TBC1D22A: variants seen among roughly 807,000 people sequenced by gnomAD.
TBC1D22A encodes TBC1 domain family member 22A, also known as putative GTPase activator.
A neutral mutation model predicts 60.2 loss-of-function variants in TBC1D22A; 38 were observed. The ratio of observed to expected loss-of-function variants is 0.63; its 90% CI spans 0.49 to 0.83. The LOEUF (loss-of-function observed/expected upper bound fraction) is 0.83, where lower values mean the gene tolerates loss of function less well. Ranked by LOEUF, TBC1D22A falls within the 40% of genes least tolerant of loss-of-function variation. TBC1D22A has a pLI of 0.00. For missense variants in TBC1D22A, 628 were observed against 701.0 expected (o/e 0.90, Z 1.18); for synonymous variants, 302 against 281.7 (o/e 1.07, Z -0.72).
chr22:46,941,704 T>TACGGAATATATATAC (rs1569249167), intron 8 of TBC1D22A, among the ~76,000 whole-genome samples: 1 of 68,768 alleles, frequency 1.5e-5, no homozygotes, highest in African/African-American at 7.2e-5. Flanking sequence ...GGATTATATA[T>TACGGAATATATATAC]GCGGAATATA....
chr22:46,815,430 A>G (rs778926263), intron 4 of TBC1D22A, among the ~76,000 whole-genome samples: 1 of 151,898 alleles, frequency 6.6e-6, no homozygotes, highest in African/African-American at 2.4e-5. Flanking sequence ...CTTTATTTGG[A>G]CCTTTGGATG....
intron 8 of TBC1D22A, among the ~76,000 whole-genome samples, chr22:46,959,914 C>T (rs1040179646): frequency 6.6e-6 from 1 of 152,200 alleles, no homozygotes; most frequent in South Asian, 2.1e-4. Context: ...GCCTTTTTAG[C>T]ACTGCCTTCA....
chr22:46,931,360 T>C (rs1428086985), intron 8 of TBC1D22A, among the ~76,000 whole-genome samples: 1 of 152,224 alleles, frequency 6.6e-6, no homozygotes, highest in African/African-American at 2.4e-5. Context: ...ATTTTCTTTT[T>C]TAAAAAATGA....
At chr22:46,919,043 G>A (rs996561571) in intron 8 of TBC1D22A, among the ~76,000 whole-genome samples, 2 of 152,152 alleles carry the variant, frequency 1.3e-5, no homozygotes, top group Non-Finnish European at 2.9e-5. Context: ...AGAGTGTAAA[G>A]TTGAAAGATT....
chr22:46,805,892 G>A (rs1028782302), intron 4 of TBC1D22A, among the ~76,000 whole-genome samples: 9 of 145,500 alleles, frequency 6.2e-5, no homozygotes, highest in Non-Finnish European at 1.0e-4. Context: ...TTGCTCTTTC[G>A]CCCAGACTGG....
chr22:46,820,521 A>C (rs991150691), intron 4 of TBC1D22A, among the ~76,000 whole-genome samples: 1 of 152,214 alleles, frequency 6.6e-6, no homozygotes, highest in Non-Finnish European at 1.5e-5. Context: ...CAAGTTATTC[A>C]ATTTCCATGA....
chr22:46,875,801 G>GC (rs562898134), intron 4 of TBC1D22A, among the ~76,000 whole-genome samples: 4 of 152,158 alleles, frequency 2.6e-5, no homozygotes, highest in African/African-American at 9.6e-5. Context: ...AAAATATCAC[G>GC]CCCCCCAACA....
chr22:46,858,906 CA>C (rs1301049544), intron 4 of TBC1D22A, among the ~76,000 whole-genome samples: 1 of 151,724 alleles, frequency 6.6e-6, no homozygotes, highest in Non-Finnish European at 1.5e-5. Context: ...CAAATTCAAA[CA>C]AAACAAAAAT....
intron 4 of TBC1D22A, among the ~76,000 whole-genome samples, chr22:46,814,683 G>C (rs947009200): frequency 6.6e-6 from 1 of 151,276 alleles, no homozygotes; most frequent in East Asian, 1.9e-4. Flanking sequence ...GTCTCACTCT[G>C]TTGCCCAGGC....
At chr22:46,951,553 G>A (rs998866737) in intron 8 of TBC1D22A, among the ~76,000 whole-genome samples, 1 of 152,228 alleles carries the variant, frequency 6.6e-6, no homozygotes, top group African/African-American at 2.4e-5. Flanking sequence ...TTTCACGCCA[G>A]TTAGGGGCTG....
intron 12 of TBC1D22A, among the ~76,000 whole-genome samples, chr22:47,164,489 CGGCCTGTGCCTTGGCAT>C (rs1454781589): frequency 7.9e-5 from 12 of 152,334 alleles, no homozygotes; most frequent in Non-Finnish European, 2.9e-5. Context: ...GGGCATGGGA[CGGCCTGTGCCTTGGCAT>C]GGCCTGTGTG....
At chr22:47,031,136 C>T (rs779408871) in intron 10 of TBC1D22A, among the ~76,000 whole-genome samples, 7 of 152,172 alleles carry the variant, frequency 4.6e-5, no homozygotes, top group Non-Finnish European at 7.4e-5. Context: ...ACCATGGTCT[C>T]GTGCTGTGCC....
intron 1 of TBC1D22A, among the ~76,000 whole-genome samples, chr22:46,776,728 C>G (rs1408105661): frequency 6.6e-6 from 1 of 151,854 alleles, no homozygotes; most frequent in East Asian, 1.9e-4. Flanking sequence ...GAAGTGCTTG[C>G]AATTCAGTTA....
intron 8 of TBC1D22A, among the ~76,000 whole-genome samples, chr22:46,945,557 G>A (rs796257157): frequency 2.6e-5 from 4 of 152,270 alleles, no homozygotes; most frequent in African/African-American, 9.6e-5. Context: ...TGTGCTGACG[G>A]CATTTCTCGT....
rs1211324649 is a variant in TBC1D22A, at chr22:47,173,658, C to G, written c.*32C>G. 1 of 1,608,976 alleles carries G rather than the reference C, an allele frequency of 6.2e-7. No homozygotes were observed. Among genetic ancestry groups the G allele is most frequent in the Admixed American group, 1.7e-5 (1 of 59,924 alleles). On this transcript the variant is annotated 3_prime_UTR_variant, in exon 13 of 13. Transcript: ENST00000337137. ...GCCCACCCGCAGCTGGCCTCACTGT[C>G]CCGGGTGGCGCGCCCCACCTGCCTG...
chr22:46,855,687 C>T (rs1006237331), intron 4 of TBC1D22A, among the ~76,000 whole-genome samples: 1 of 152,112 alleles, frequency 6.6e-6, no homozygotes. Context: ...GATCCAGGCT[C>T]CCGCAAGATA....
At chr22:46,826,879 C>G (rs1302888495) in intron 4 of TBC1D22A, among the ~76,000 whole-genome samples, 1 of 151,956 alleles carries the variant, frequency 6.6e-6, no homozygotes, top group Non-Finnish European at 1.5e-5. Flanking sequence ...CGGTTCCTGG[C>G]TTGCAGTCAG....
intron 8 of TBC1D22A, among the ~76,000 whole-genome samples, chr22:46,936,341 T>C (rs1165510208): frequency 6.6e-6 from 1 of 152,012 alleles, no homozygotes; most frequent in Non-Finnish European, 1.5e-5. Flanking sequence ...GCCCTCGTCC[T>C]GGGGCCAGGC....
chr22:46,762,652 AAG>A lies in TBC1D22A; in HGVS notation c.-132_-131del. ...AGGCACAACTTCCGGAAGGAGGCGG[AAG>A]AGCTTCTCGGCTCTAGGCTCTGGAG... On this transcript the variant is annotated 5_prime_UTR_variant, in exon 1 of 13. Transcript: ENST00000337137. 1 of 680,590 alleles carries A rather than the reference AAG, an allele frequency of 1.5e-6. No individual in the cohort carries two copies. Among genetic ancestry groups the A allele is most frequent in the South Asian group, 3.5e-5 (1 of 28,732 alleles). 42.2% of individuals were successfully genotyped at this position (680,590 alleles called of 1,614,324 possible).
Sources: gnomAD v4.1 joint callset for allele counts (sites outside exome capture counted in the v4.1 genomes callset) on GRCh38, gnomAD v4.1.1 for gene constraint, MANE v1.5 for transcripts, NCBI Gene and HGNC (gene_info 2026-07-23, HGNC 2026-07-21) for gene names.